The following CRACDL variants were observed in gnomAD, a reference collection of about 807,000 sequenced individuals.
CRACDL encodes CRACD like.
CRACDL carries 26 observed loss-of-function variants against 70.6 expected under a neutral mutation model. The observed-to-expected ratio is 0.37, with a 90% confidence interval of 0.27 to 0.51. CRACDL has a LOEUF of 0.51. CRACDL is among the 20% of genes least tolerant of loss of function. The probability of loss-of-function intolerance (pLI) is 0.94; values close to 1 mark genes in which losing one functional copy is unlikely to be tolerated. For synonymous variants in CRACDL, 618 were observed against 615.2 expected, an observed-to-expected ratio of 1.00 and a Z score of -0.07; for missense variants, 1,283 against 1,376.9, an observed-to-expected ratio of 0.93 and a Z score of 1.08.
At chr2:98,929,759 T>C (rs979840491) in intron 1 of CRACDL, among the ~76,000 whole-genome samples, 2 of 151,994 alleles carry the variant, frequency 1.3e-5, no homozygotes, top group Non-Finnish European at 2.9e-5. Flanking sequence ...CATTCAATTT[T>C]GAAGAAAAAA....
At chr2:98,933,776 C>T (rs1189200023) in intron 1 of CRACDL, among the ~76,000 whole-genome samples, 1 of 152,200 alleles carries the variant, frequency 6.6e-6, no homozygotes, top group Non-Finnish European at 1.5e-5. Context: ...TCTCATTTAA[C>T]CAAGAGCATC....
chr2:98,852,400 T>G (rs1706517297), intron 1 of CRACDL, among the ~76,000 whole-genome samples: 1 of 151,486 alleles, frequency 6.6e-6, no homozygotes, highest in Admixed American at 6.6e-5. Flanking sequence ...GGTTCCAGAG[T>G]TCCTATGAAA....
chr2:98,869,998 C>A (rs1707286688), intron 1 of CRACDL, among the ~76,000 whole-genome samples: 1 of 152,194 alleles, frequency 6.6e-6, no homozygotes, highest in African/African-American at 2.4e-5. Flanking sequence ...ACTGAGCCTG[C>A]CCAGCCGGCT....
At chr2:98,898,821 C>T (rs1239406145) in intron 1 of CRACDL, among the ~76,000 whole-genome samples, 15 of 152,172 alleles carry the variant, frequency 9.9e-5, no homozygotes, top group Admixed American at 9.8e-4. Flanking sequence ...TGTTCTCATG[C>T]CTAGAATAGC....
chr2:98,877,000 C>A (rs543502118), intron 1 of CRACDL, among the ~76,000 whole-genome samples: 10 of 152,344 alleles, frequency 6.6e-5, no homozygotes, highest in South Asian at 2.1e-4. Context: ...AAATGCAACA[C>A]CGGCACATCC....
chr2:98,928,642 T>C (rs1454294927), intron 1 of CRACDL, among the ~76,000 whole-genome samples: 16 of 152,204 alleles, frequency 1.1e-4, no homozygotes. Flanking sequence ...TGTTCTAGAA[T>C]GTGGTACCAG....
At chr2:98,853,973 A>T (rs191453427) in intron 1 of CRACDL, among the ~76,000 whole-genome samples, 1 of 152,290 alleles carries the variant, frequency 6.6e-6, no homozygotes, top group Non-Finnish European at 1.5e-5. Flanking sequence ...CAAAACAAAT[A>T]GGAAGAACAG....
chr2:98,823,683 CTT>C lies in CRACDL; in HGVS notation c.736-148_736-147del. On this transcript the variant is annotated intron_variant, in intron 6 of 9. Coordinates refer to ENST00000397899, the MANE Select transcript of CRACDL (RefSeq NM_207362.3). The surrounding 1 kb of genome is among the most constrained non-coding windows in gnomAD (Gnocchi z 4.0). ...TAAGTAGGCATGTACCCACGGGTGT[CTT>C]TTCTCAGTCTGTATCCTACTGGTCT... 2 of 984,110 alleles carry C rather than the reference CTT, an allele frequency of 2.0e-6. No individual in the cohort carries two copies. Among genetic ancestry groups the C allele is most frequent in the Admixed American group, 2.4e-5 (1 of 42,440 alleles). 61.0% of individuals were successfully genotyped at this position (984,110 alleles called of 1,614,324 possible).
rs1705583654 is a variant in CRACDL, at chr2:98,832,463, C to G, written c.425G>C (p.Gly142Ala). The G allele has an allele frequency of 6.2e-7, 1 of 1,613,438 alleles. No individual in the cohort carries two copies. ...VKMGPPPPPG[G>A]LPAKRGEDAG... ...ATCCTCTCCCCGCTTGGCAGGAAGC[C>G]CCCCTGGAGGAGGTGGTGGCCCCAT... The change falls in exon 5 of 10, where the codon GGG becomes GCG. Residue 142 changes from glycine to alanine, a missense_variant. Physicochemically the swap from Gly to Ala is moderately conservative, Grantham distance 60. Coordinates refer to ENST00000397899, the MANE Select transcript of CRACDL (RefSeq NM_207362.3).
intron 1 of CRACDL, among the ~76,000 whole-genome samples, chr2:98,909,159 A>C (rs1430082425): frequency 1.3e-5 from 2 of 152,202 alleles, no homozygotes; most frequent in African/African-American, 4.8e-5. Flanking sequence ...GATTGGCAGA[A>C]AGCTGTCAAG....
In CRACDL at chr2:98,797,536, T is replaced by C; in HGVS notation, c.2418A>G (p.Glu806=). ...CTGTTGCTGCAGGCGGCAGACTCTTTTCTGTTGGGTAAAGGCACAAGATTA... is the reference window on the plus strand; with the variant it reads ...CTGTTGCTGCAGGCGGCAGACTCTTCTCTGTTGGGTAAAGGCACAAGATTA... The part of the protein sequence containing the change: ...AEKRPLRRGA[E]KSLPPAATGP... The change falls in exon 8 of 10, where the codon GAA becomes GAG. Residue 806 remains glutamate (E), a splice_region_variant and synonymous_variant. Transcript: ENST00000397899. 1.2e-6 allele frequency: 2 copies of C among 1,613,532 alleles called. No individual in the cohort carries two copies. The highest frequency in any genetic ancestry group is 1.1e-5 in the South Asian group (1 of 91,080).
At chr2:98,889,340 A>AAAGAAAGAAAGAAAGAAAGAAAGG (rs1231775878) in intron 1 of CRACDL, among the ~76,000 whole-genome samples, 3 of 128,190 alleles carry the variant, frequency 2.3e-5, no homozygotes, top group African/African-American at 5.8e-5. Context: ...AGAAAGAAAG[A>AAAGAAAGAAAGAAAGAAAGAAAGG]AAGGAAACAG....
Position 98,936,220 on chromosome 2 carries a change from C to T in CRACDL, c.-293G>A, listed in dbSNP as rs938271804. On this transcript the variant is annotated 5_prime_UTR_variant, in exon 1 of 10. Coordinates refer to ENST00000397899, the MANE Select transcript of CRACDL (RefSeq NM_207362.3). ...GCAGGCGCGCCGGCTTCGCTCGGCT[C>T]CGCTCGGCTCGGCGGGGGCGGACGC... 2 of 149,708 alleles carry T rather than the reference C, an allele frequency of 1.3e-5. No individual in the cohort carries two copies. The highest frequency in any genetic ancestry group is 3.0e-5 in the Non-Finnish European group (2 of 66,980). 9.3% of individuals were successfully genotyped at this position (149,708 alleles called of 1,614,324 possible). A position where few individuals can be genotyped will look rare whatever the true frequency, so the allele number is the denominator to read the frequency against.
chr2:98,826,914 G>GC (rs1486914527), intron 6 of CRACDL, 61 bp downstream of exon 6: 24 of 1,278,230 alleles, frequency 1.9e-5, no homozygotes, highest in Middle Eastern at 2.9e-4. Flanking sequence ...GTTGGGGGGG[G>GC]GCATAGGGGG....
Position 98,823,385 on chromosome 2 carries a change from CG to C in CRACDL, c.887del (p.Pro296ArgfsTer203), listed in dbSNP as rs752693470. The C allele has an allele frequency of 1.3e-6, 2 of 1,540,794 alleles. No homozygotes were observed. Among genetic ancestry groups the C allele is most frequent in the Non-Finnish European group, 1.7e-6 (2 of 1,151,194 alleles). On this transcript the variant is annotated frameshift_variant, in exon 7 of 10. Transcript: ENST00000397899. LOFTEE classifies it high-confidence loss of function. The surrounding 1 kb of genome is among the most constrained non-coding windows in gnomAD (Gnocchi z 4.0). ...APDRGPEPGP[P>X]APLPPPGGAR... The stretch of plus-strand genomic sequence containing the variant: ...CCCCTCCGGGTGGCGGCAAGGGCGC[CG>C]GTGGCCCAGGCTCAGGGCCTCTGTC...
At chr2:98,881,573 T>A (rs1707652251) in intron 1 of CRACDL, among the ~76,000 whole-genome samples, 1 of 152,052 alleles carries the variant, frequency 6.6e-6, no homozygotes. Context: ...GCAGGCAGAG[T>A]AGAGAACCAC....
At chr2:98,897,451 C>T (rs779656386) in intron 1 of CRACDL, 255 of 1,243,122 alleles carry the variant, frequency 2.1e-4, no homozygotes, top group Admixed American at 3.1e-4. Flanking sequence ...AGATTCATTA[C>T]ATGGAGTATG....
At chr2:98,836,837 C>G (rs897049812) in intron 3 of CRACDL, among the ~76,000 whole-genome samples, 4 of 152,134 alleles carry the variant, frequency 2.6e-5, no homozygotes, top group Non-Finnish European at 5.9e-5. Context: ...AATCCCAGCA[C>G]TTTGGGAGGC....
rs528403100 is a variant in CRACDL at position 98,832,375 on chromosome 2, G to C, written c.513C>G (p.His171Gln). ...TTATGGTGGTACCAGGACCCACGTC[G>C]TGCAGCAGAGACATCTCTGGGGGGC... Reference protein sequence around the residue: ...PRSPPEMSLLHDVGPGTTIKV... With the variant: ...PRSPPEMSLLQDVGPGTTIKV... Residue 171 changes from histidine to glutamine, a missense_variant, in exon 5 of 10, where the codon CAC becomes CAG. Physicochemically the swap from His to Gln is conservative, Grantham distance 24. Around this residue, in one of 2 missense-constraint regions of CRACDL, gnomAD observed 362 missense variants for 495.0 expected, o/e 0.73. Coordinates refer to ENST00000397899, the MANE Select transcript of CRACDL (RefSeq NM_207362.3). The C allele has an allele frequency of 6.2e-7, 1 of 1,614,196 alleles. No homozygotes were observed. Among genetic ancestry groups the C allele is most frequent in the Admixed American group, 1.7e-5 (1 of 60,028 alleles).
Sources: allele counts gnomAD v4.1 joint callset (sites outside exome capture counted in the v4.1 genomes callset), GRCh38; gene constraint gnomAD v4.1.1; regional missense constraint gnomAD v4.1.1; non-coding constraint Gnocchi (gnomAD v3.1); transcripts MANE v1.5; gene names NCBI Gene and HGNC (gene_info 2026-07-23, HGNC 2026-07-21).